Variants in CMTM4 observed in about 807,000 individuals in gnomAD.
CMTM4 encodes CKLF-like MARVEL transmembrane domain-containing protein 4.
Under a neutral mutation model 19.0 loss-of-function variants are expected in CMTM4, and 8 were observed. That is an observed-to-expected ratio of 0.42 (90% confidence interval 0.25 to 0.76). The LOEUF (loss-of-function observed/expected upper bound fraction) is 0.76, where lower values mean the gene tolerates loss of function less well. Ranked by LOEUF, CMTM4 falls within the 30% of genes least tolerant of loss-of-function variation. The pLI, the probability that CMTM4 is intolerant of heterozygous loss-of-function variation, is 0.27. For synonymous variants in CMTM4, 106 were observed against 121.1 expected (o/e 0.88, Z 0.82); for missense variants, 228 against 290.2 (o/e 0.79, Z 1.56).
chr16:66,674,103 T>C (rs1385362616), intron 1 of CMTM4, among the ~76,000 whole-genome samples: 1 of 152,252 alleles, frequency 6.6e-6, no homozygotes, highest in South Asian at 2.1e-4. Flanking sequence ...AGCATGGAGC[T>C]AGGCAGAGCC....
the CMTM4 span, chr16:66,604,679 C>T: frequency 1.6e-5 from 11 of 702,424 alleles, no homozygotes; most frequent in Admixed American, 9.6e-5. Context: ...GGCGTGGCGG[C>T]GGGGGATGCG....
At chr16:66,693,153 G>A (rs2017167637) in intron 1 of CMTM4, among the ~76,000 whole-genome samples, 1 of 152,134 alleles carries the variant, frequency 6.6e-6, no homozygotes, top group Admixed American at 6.5e-5. Context: ...GAACCCAGGA[G>A]GCGGAGATTG....
At chr16:66,643,954 A>G (rs959664234) in intron 1 of CMTM4, among the ~76,000 whole-genome samples, 3 of 152,020 alleles carry the variant, frequency 2.0e-5, no homozygotes, top group African/African-American at 7.3e-5. Context: ...GGGTTTCATC[A>G]TGTTGGCCAG....
intron 1 of CMTM4, among the ~76,000 whole-genome samples, chr16:66,683,437 G>A (rs925246885): frequency 1.0e-4 from 15 of 149,094 alleles, no homozygotes; most frequent in South Asian, 4.3e-4. Context: ...GACTACAGGC[G>A]CCCACCACCA....
chr16:66,625,150 A>C (rs1347128910), intron 2 of CMTM4, among the ~76,000 whole-genome samples: 1 of 152,168 alleles, frequency 6.6e-6, no homozygotes. Context: ...TAGAAAACAA[A>C]CAGGCCGGGC....
chr16:66,684,815 C>G (rs1414484559), intron 1 of CMTM4, among the ~76,000 whole-genome samples: 3 of 152,186 alleles, frequency 2.0e-5, no homozygotes, highest in Non-Finnish European at 2.9e-5. Context: ...GAGCCCTGGA[C>G]CACTTCAAAC....
Position 66,617,548 on chromosome 16 carries a change from G to A in CMTM4, c.*4510C>T, listed in dbSNP as rs1448646760. 2.2e-6 allele frequency: 3 copies of A among 1,360,386 alleles called. No homozygotes were observed. The highest frequency in any genetic ancestry group is 2.8e-6 in the Non-Finnish European group (3 of 1,056,988). 84.3% of individuals were successfully genotyped at this position (1,360,386 alleles called of 1,614,324 possible). A position where few individuals can be genotyped will look rare whatever the true frequency, so the allele number is the denominator to read the frequency against. ...TCACTTTCGGAAGAAAATTTTTCTA[G>A]ACCTAACAGATATTGACGGTATTTT... On this transcript the variant is annotated 3_prime_UTR_variant, in exon 4 of 4. Transcript: ENST00000394106.
intron 1 of CMTM4, among the ~76,000 whole-genome samples, chr16:66,638,676 CG>C (rs1445537278): frequency 3.3e-5 from 5 of 151,892 alleles, no homozygotes. Context: ...CTGATTAACA[CG>C]GTGAAACCCC....
chr16:66,629,968 T>C (rs961496424), intron 2 of CMTM4, among the ~76,000 whole-genome samples: 9 of 152,124 alleles, frequency 5.9e-5, no homozygotes, highest in Non-Finnish European at 1.2e-4. Flanking sequence ...TTAAAACATA[T>C]CAGTAATTGT....
intron 1 of CMTM4, among the ~76,000 whole-genome samples, chr16:66,663,533 T>C (rs1343210923): frequency 6.3e-5 from 6 of 95,470 alleles, no homozygotes; most frequent in African/African-American, 1.8e-4. Flanking sequence ...TTTCATTTGC[T>C]TTTTTTTTTT....
Position 66,636,331 on chromosome 16 carries a change from G to C in CMTM4, c.363+74C>G, listed in dbSNP as rs2015990182. ...ATGAACTAGAACCAAACATGACCTG[G>C]AGAGATTCCAGCTTTTCCTTGGAGC... is the stretch of plus-strand genomic sequence containing the variant. On this transcript the variant is annotated intron_variant, in intron 2 of 3. Coordinates refer to ENST00000394106, the MANE Select transcript of CMTM4 (RefSeq NM_181521.3). 19 of 1,222,386 alleles carry C rather than the reference G, an allele frequency of 1.6e-5. No individual in the cohort carries two copies. In the South Asian group the frequency reaches 2.4e-4, roughly 16 times the overall value. The allele number at this position is 1,222,386 out of a possible 1,614,324, so 75.7% of individuals were successfully genotyped here.
chr16:66,623,486 C>G lies in CMTM4; in HGVS notation c.380G>C (p.Gly127Ala). Residue 127 changes from glycine (G) to alanine (A), a missense_variant, in exon 3 of 4, where the codon GGA becomes GCA. This residue lies in a region of CMTM4 where 200 missense variants were observed against 226.6 expected (regional missense o/e 0.88). Coordinates refer to ENST00000394106, the MANE Select transcript of CMTM4 (RefSeq NM_181521.3). ...NWNLTDLVNT[G>A]LSAFLFFIAS... The stretch of plus-strand genomic sequence containing the variant: ...AATAAAGAAAAGGAAAGCGCTGAGT[C>G]CAGTGTTGACCAAATCCTAAAGGGA... 6.2e-7 allele frequency: 1 copy of G among 1,611,008 alleles called. No individual in the cohort carries two copies. The highest frequency in any genetic ancestry group is 8.5e-7 in the Non-Finnish European group (1 of 1,178,446).
chr16:66,670,701 G>A (rs1431228510), intron 1 of CMTM4, among the ~76,000 whole-genome samples: 1 of 152,028 alleles, frequency 6.6e-6, no homozygotes, highest in Non-Finnish European at 1.5e-5. Context: ...TCAGGAGGCT[G>A]AGGCAGGAAA....
At chr16:66,610,754 C>T (rs1463876395), downstream of CMTM4, 3 of 398,498 alleles carry the variant, frequency 7.5e-6, no homozygotes, top group African/African-American at 6.2e-5. The surrounding 1 kb of genome is among the most constrained non-coding windows in gnomAD (Gnocchi z 4.6). Flanking sequence ...TAGACAAGGG[C>T]AGCTCTGGAA....
chr16:66,681,465 C>T (rs560081234), intron 1 of CMTM4, among the ~76,000 whole-genome samples: 78 of 152,102 alleles, frequency 5.1e-4, no homozygotes, highest in African/African-American at 1.6e-3. Context: ...TACAGGCACC[C>T]GCCACCACGC....
chr16:66,631,396 C>T (rs1464678955), intron 2 of CMTM4, among the ~76,000 whole-genome samples: 4 of 150,966 alleles, frequency 2.6e-5, no homozygotes, highest in African/African-American at 7.3e-5. Flanking sequence ...AGTGAGGAGC[C>T]CCTCTGCCCG....
intron 1 of CMTM4, among the ~76,000 whole-genome samples, chr16:66,670,661 G>A (rs1029722130): frequency 4.6e-5 from 7 of 151,782 alleles, no homozygotes; most frequent in Non-Finnish European, 7.4e-5. Flanking sequence ...TTAGCTGGGC[G>A]TGGTGGCACG....
At chr16:66,653,288 A>C (rs1047467595) in intron 1 of CMTM4, among the ~76,000 whole-genome samples, 3 of 152,222 alleles carry the variant, frequency 2.0e-5, no homozygotes, top group Non-Finnish European at 4.4e-5. Flanking sequence ...ATTTCAGCCA[A>C]AATAGTGAAC....
At chr16:66,649,498 G>T (rs1028181376) in intron 1 of CMTM4, among the ~76,000 whole-genome samples, 1 of 115,978 alleles carries the variant, frequency 8.6e-6, no homozygotes, top group Admixed American at 8.5e-5. Context: ...ATCTATCCCT[G>T]ATTTTTTTTC....
Sources: gnomAD v4.1 joint callset for allele counts (sites outside exome capture counted in the v4.1 genomes callset) on GRCh38, gnomAD v4.1.1 for gene constraint, gnomAD v4.1.1 regional missense constraint, Gnocchi (gnomAD v3.1) non-coding constraint, MANE v1.5 for transcripts, NCBI Gene and HGNC (gene_info 2026-07-23, HGNC 2026-07-21) for gene names.